The following TANGO6 variants were observed in gnomAD, a reference collection of about 807,000 sequenced individuals.
TANGO6 encodes transport and Golgi organization protein 6 homolog.
A neutral mutation model predicts 114.2 loss-of-function variants in TANGO6; 90 were observed. That is an observed-to-expected ratio of 0.79 (90% CI 0.66 to 0.94). TANGO6 has a LOEUF of 0.94. Ranked by LOEUF, TANGO6 falls within the 40% of genes least tolerant of loss-of-function variation. The probability of loss-of-function intolerance (pLI) is 0.00; values close to 1 mark genes in which losing one functional copy is unlikely to be tolerated. For missense variants in TANGO6, 1,274 were observed against 1,315.3 expected, an observed-to-expected ratio of 0.97 and a Z score of 0.49; for synonymous variants, 477 against 509.8, an observed-to-expected ratio of 0.94 and a Z score of 0.87.
In TANGO6 at chr16:69,083,882, C is replaced by T. The variant is rs1960503135; in HGVS notation, c.*221C>T. ...TGAGGGGTGTACAGTTAAGAGAAGA[C>T]AGTTACAGATCTCATTAATCTACAT... On this transcript the variant is annotated 3_prime_UTR_variant, in exon 18 of 18. Coordinates refer to ENST00000261778, the MANE Select transcript of TANGO6 (RefSeq NM_024562.2). 11 of 477,646 alleles carry T rather than the reference C, an allele frequency of 2.3e-5. No homozygotes were observed. The highest frequency in any genetic ancestry group is 3.7e-6 in the Non-Finnish European group (1 of 268,742). 29.6% of individuals were successfully genotyped at this position (477,646 alleles called of 1,614,324 possible). A position where few individuals can be genotyped will look rare whatever the true frequency, so the allele number is the denominator to read the frequency against.
intron 7 of TANGO6, among the ~76,000 whole-genome samples, chr16:68,889,205 C>A (rs978351898): frequency 1.3e-5 from 2 of 152,180 alleles, no homozygotes; most frequent in Non-Finnish European, 2.9e-5. Context: ...ATATCTATCT[C>A]CAGACAGCCT....
intron 17 of TANGO6, among the ~76,000 whole-genome samples, chr16:69,082,351 A>G (rs1261726347): frequency 1.3e-5 from 2 of 151,808 alleles, no homozygotes; most frequent in Non-Finnish European, 2.9e-5. Flanking sequence ...TAATCTGCCC[A>G]TTTTGGCCTC....
chr16:69,061,747 C>T lies in TANGO6; in HGVS notation c.3108+21326C>T, dbSNP rs577820536. 3.2e-4 allele frequency among the ~76,000 whole-genome samples: 48 copies of T among 152,134 alleles called. 1 individual carries two copies. In the South Asian group the frequency reaches 3.9e-3, roughly 12 times the overall value. On this transcript the variant is annotated intron_variant, in intron 17 of 17. Coordinates refer to ENST00000261778, the MANE Select transcript of TANGO6 (RefSeq NM_024562.2). The stretch of plus-strand genomic sequence containing the variant: ...CAGAATGCATTTCCGGCCGGGCGCG[C>T]GGTGGCTCACGCCTGTAATCCCAGC...
chr16:68,961,967 T>C (rs1420969010), intron 14 of TANGO6, among the ~76,000 whole-genome samples: 5 of 152,206 alleles, frequency 3.3e-5, no homozygotes, highest in Non-Finnish European at 7.3e-5. Context: ...CCCTGTTTTT[T>C]CCTCAGGCCT....
At chr16:69,025,350 G>A (rs964875849) in intron 16 of TANGO6, among the ~76,000 whole-genome samples, 1 of 152,192 alleles carries the variant, frequency 6.6e-6, no homozygotes, top group African/African-American at 2.4e-5. Context: ...ATGAAGGGCA[G>A]GGTGTCTTCC....
intron 1 of TANGO6, among the ~76,000 whole-genome samples, chr16:68,856,300 C>T (rs983029890): frequency 5.9e-5 from 9 of 152,046 alleles, no homozygotes; most frequent in African/African-American, 4.8e-5. Flanking sequence ...GTGTCATGAA[C>T]GAGTGTTGAA....
At chr16:68,985,777 TAC>T (rs1299611494) in intron 15 of TANGO6, among the ~76,000 whole-genome samples, 6 of 152,350 alleles carry the variant, frequency 3.9e-5, no homozygotes, top group East Asian at 1.9e-4. Context: ...TCCAGAAATG[TAC>T]AGTCTTTTCA....
chr16:68,905,502 C>T (rs948530064), intron 9 of TANGO6, among the ~76,000 whole-genome samples: 10 of 150,950 alleles, frequency 6.6e-5, no homozygotes, highest in Admixed American at 6.6e-4. Flanking sequence ...CGCCATTGCA[C>T]TCCAGCCTAG....
At chr16:69,048,790 A>T (rs1219570321) in intron 17 of TANGO6, among the ~76,000 whole-genome samples, 2 of 152,100 alleles carry the variant, frequency 1.3e-5, no homozygotes, top group East Asian at 3.9e-4. Context: ...TACAAGAGTT[A>T]CTCCTAGAGA....
chr16:68,975,924 T>C (rs1457983203), intron 15 of TANGO6, among the ~76,000 whole-genome samples: 1 of 151,852 alleles, frequency 6.6e-6, no homozygotes, highest in Admixed American at 6.6e-5. Flanking sequence ...ATTATGGGTT[T>C]GGTTTTTGTT....
At chr16:68,907,714 A>T in intron 10 of TANGO6, 139 bp downstream of exon 10, 1 of 1,078,930 alleles carries the variant, frequency 9.3e-7, no homozygotes, top group East Asian at 2.7e-5. Context: ...GACATAAAGG[A>T]ATTTATTTTT....
rs1253961008 is a variant in TANGO6 at position 68,927,774 on chromosome 16, G to C, written c.2334G>C (p.Glu778Asp). Residue 778 changes from glutamate (E) to aspartate (D), a missense_variant, in exon 13 of 18, where the codon GAG becomes GAC. Physicochemically the swap from Glu to Asp is conservative, Grantham distance 45. This residue lies in a region of TANGO6 where 908 missense variants were observed against 910.2 expected (regional missense o/e 1.00). Coordinates refer to ENST00000261778, the MANE Select transcript of TANGO6 (RefSeq NM_024562.2). ...NRKDLEGKIE[E>D]QQQTSHERPT... ...AAGATCTGGAAGGGAAAATAGAAGA[G>C]CAGCAACAAACCAGTCATGAAAGAC... The C allele has an allele frequency of 2.3e-5, 37 of 1,613,858 alleles. No individual in the cohort carries two copies. The highest frequency in any genetic ancestry group is 3.1e-5 in the Non-Finnish European group (36 of 1,179,898).
intron 16 of TANGO6, among the ~76,000 whole-genome samples, chr16:69,039,327 C>CAAA (rs1224194865): frequency 9.7e-6 from 1 of 102,892 alleles, no homozygotes; most frequent in Non-Finnish European, 2.1e-5. Flanking sequence ...GACTCCGTCT[C>CAAA]AAAAAAAAAA....
chr16:68,990,575 G>T (rs953451477), intron 15 of TANGO6, among the ~76,000 whole-genome samples: 2 of 152,052 alleles, frequency 1.3e-5, no homozygotes, highest in African/African-American at 4.8e-5. Flanking sequence ...TGGCTAATTT[G>T]TTTGTATATT....
At chr16:69,008,315 G>A (rs1045189142) in intron 15 of TANGO6, among the ~76,000 whole-genome samples, 1 of 152,080 alleles carries the variant, frequency 6.6e-6, no homozygotes, top group Non-Finnish European at 1.5e-5. Flanking sequence ...TCCAAAGTAT[G>A]CATTTTTTCT....
chr16:69,015,639 G>A (rs992658407), intron 15 of TANGO6, among the ~76,000 whole-genome samples: 48 of 151,618 alleles, frequency 3.2e-4, no homozygotes, highest in African/African-American at 1.1e-3. Flanking sequence ...CCGCCACCAC[G>A]CCCAGATAAT....
intron 7 of TANGO6, among the ~76,000 whole-genome samples, chr16:68,882,360 G>C (rs770420043): frequency 4.6e-5 from 7 of 151,972 alleles, no homozygotes; most frequent in Non-Finnish European, 8.8e-5. Flanking sequence ...AGCCGGGCGT[G>C]GTGGCAGGCA....
At chr16:68,894,521 C>T (rs1430099307) in intron 7 of TANGO6, among the ~76,000 whole-genome samples, 1 of 152,002 alleles carries the variant, frequency 6.6e-6, no homozygotes, top group Non-Finnish European at 1.5e-5. Context: ...GCCACACGGA[C>T]ACTTCAGCTC....
chr16:68,922,949 T>TG (rs1236682393), intron 12 of TANGO6, among the ~76,000 whole-genome samples: 12 of 139,548 alleles, frequency 8.6e-5, no homozygotes, highest in Non-Finnish European at 1.1e-4. Context: ...GTTTTTTTTT[T>TG]TTTTTTTTTT....
Sources: gnomAD v4.1 joint callset for allele counts (sites outside exome capture counted in the v4.1 genomes callset) on GRCh38, gnomAD v4.1.1 for gene constraint, gnomAD v4.1.1 regional missense constraint, MANE v1.5 for transcripts, NCBI Gene and HGNC (gene_info 2026-07-23, HGNC 2026-07-21) for gene names.